Variants in LRRK2 observed in about 807,000 individuals in gnomAD.
LRRK2 encodes leucine rich repeat kinase 2.
In LRRK2, 203 loss-of-function variants were observed where a neutral mutation model predicts 302.6. That is an observed-to-expected ratio of 0.67 (90% CI 0.60 to 0.75). The LOEUF (loss-of-function observed/expected upper bound fraction) is 0.75. Ranked by LOEUF, LRRK2 falls within the 30% of genes least tolerant of loss-of-function variation. The pLI is 0.00. For missense variants in LRRK2, 2,830 were observed against 2,951.0 expected, an observed-to-expected ratio of 0.96 and a Z score of 0.95; for synonymous variants, 1,066 against 1,031.9, an observed-to-expected ratio of 1.03 and a Z score of -0.63.
At chr12:40,256,527 AAGTGCC>A (rs1942514950) in intron 11 of LRRK2, among the ~76,000 whole-genome samples, 1 of 152,242 alleles carries the variant, frequency 6.6e-6, no homozygotes, top group South Asian at 2.1e-4. Flanking sequence ...ACAAATAGTG[AAGTGCC>A]AGTTGTAAAG....
chr12:40,238,607 T>C (rs1941578900), intron 5 of LRRK2, among the ~76,000 whole-genome samples: 1 of 152,164 alleles, frequency 6.6e-6, no homozygotes, highest in African/African-American at 2.4e-5. Context: ...GTTTAGTCTT[T>C]CCATTGACCT....
rs1278652767 is a variant in LRRK2, at chr12:40,298,865, ATATATATACTATATATAATACTTAT to A, written c.3348-235_3348-211del. On this transcript the variant is annotated intron_variant, in intron 24 of 50. Transcript: ENST00000298910. ...TTATTATATATAATACCTATATATTATATATATACTATATATAATACTTATTATATATATACTATATATAATACTT... is the reference window on the plus strand; with the variant it reads ...TTATTATATATAATACCTATATATTATATATATATACTATATATAATACTT... Among the ~76,000 whole-genome samples, 3 of 11,958 alleles carry A rather than the reference ATATATATACTATATATAATACTTAT, an allele frequency of 2.5e-4. No individual in the cohort carries two copies. The East Asian group carries it at 3.9e-3, about 15-fold the overall frequency. The allele number at this position is 11,958 out of a possible 152,430, so 7.8% of individuals were successfully genotyped here.
intron 25 of LRRK2, among the ~76,000 whole-genome samples, chr12:40,301,323 C>A (rs7973488): frequency 6.6e-6 from 1 of 152,116 alleles, no homozygotes; most frequent in Non-Finnish European, 1.5e-5. Context: ...ACTCGGGAGG[C>A]TGAGGCAGAA....
chr12:40,226,753 C>G lies in LRRK2; in HGVS notation c.237+1113C>G, dbSNP rs1407505945. 2.6e-5 allele frequency among the ~76,000 whole-genome samples: 4 copies of G among 152,276 alleles called. No homozygotes were observed. In the East Asian group the frequency reaches 5.8e-4, roughly 22 times the overall value. On this transcript the variant is annotated intron_variant, in intron 2 of 50. Transcript: ENST00000298910. ...ATAAAGATGCTGTTCTTTTAAGACT[C>G]AAAGTCGGAATTTTGCCTGTGGAAT... is the stretch of plus-strand genomic sequence containing the variant.
chr12:40,324,816 A>G (rs1394238032), intron 38 of LRRK2, among the ~76,000 whole-genome samples: 5 of 152,220 alleles, frequency 3.3e-5, no homozygotes, highest in East Asian at 1.9e-4. Context: ...TGAATCCTAC[A>G]TCTTAACCCC....
At chr12:40,299,328 CT>C (rs1479075480) in intron 25 of LRRK2, 71 bp downstream of exon 25, 15 of 1,511,816 alleles carry the variant, frequency 9.9e-6, no homozygotes, top group Non-Finnish European at 1.2e-5. Flanking sequence ...TATATGGACC[CT>C]TTAGTTGTGG....
Position 40,259,535 on chromosome 12 carries a change from A to C in LRRK2, c.1474A>C (p.Lys492Gln). The C allele has an allele frequency of 1.2e-6, 2 of 1,613,426 alleles. No individual in the cohort carries two copies. Among genetic ancestry groups the C allele is most frequent in the Non-Finnish European group, 1.7e-6 (2 of 1,179,532 alleles). ...GGTCCCCAAAATACTAACAGTTATG[A>C]AACGTCATGAGACATCATTACCAGT... Reference protein sequence around the residue: ...AVVPKILTVMKRHETSLPVQL... With the variant: ...AVVPKILTVMQRHETSLPVQL... Residue 492 changes from lysine (K) to glutamine (Q), a missense_variant, in exon 13 of 51, where the codon AAA (lysine) becomes CAA (glutamine). Transcript: ENST00000298910.
At chr12:40,272,574 T>C (rs2136592569) in intron 14 of LRRK2, among the ~76,000 whole-genome samples, 1 of 152,304 alleles carries the variant, frequency 6.6e-6, no homozygotes, top group South Asian at 2.1e-4. Flanking sequence ...ATTGCTATTG[T>C]TATTATGACT....
intron 32 of LRRK2, among the ~76,000 whole-genome samples, chr12:40,314,907 AGT>A (rs977350619): frequency 1.3e-5 from 2 of 152,078 alleles, no homozygotes; most frequent in Non-Finnish European, 2.9e-5. Flanking sequence ...ATGTCTTTGT[AGT>A]GTGTATTCAG....
intron 14 of LRRK2, among the ~76,000 whole-genome samples, chr12:40,272,024 T>C (rs1181609689): frequency 1.3e-5 from 2 of 152,178 alleles, no homozygotes; most frequent in African/African-American, 4.8e-5. Flanking sequence ...AATAAGCCTA[T>C]GATGCTCTTT....
chr12:40,303,871 G>A, intron 26 of LRRK2, 77 bp from the exon 27 acceptor site: 4 of 1,408,524 alleles, frequency 2.8e-6, no homozygotes, highest in Admixed American at 1.7e-5. Flanking sequence ...TCACCCTGGG[G>A]AAAATTATTT....
chr12:40,316,767 G>T (rs147939650), intron 33 of LRRK2, among the ~76,000 whole-genome samples: 40 of 152,164 alleles, frequency 2.6e-4, no homozygotes, highest in African/African-American at 9.4e-4. Flanking sequence ...AGGTACTTAC[G>T]TAGTTTTGGA....
At chr12:40,319,067 T>A (rs1475471953) in intron 33 of LRRK2, among the ~76,000 whole-genome samples, 3 of 152,140 alleles carry the variant, frequency 2.0e-5, no homozygotes, top group Non-Finnish European at 4.4e-5. Flanking sequence ...TTTGCTTCTG[T>A]TTAAGTATTC....
At chr12:40,272,570 A>G (rs1458085153) in intron 14 of LRRK2, among the ~76,000 whole-genome samples, 2 of 152,102 alleles carry the variant, frequency 1.3e-5, no homozygotes, top group African/African-American at 4.8e-5. Context: ...GGTCATTGCT[A>G]TTGTTATTAT....
intron 2 of LRRK2, among the ~76,000 whole-genome samples, chr12:40,229,053 C>T (rs1941046810): frequency 6.6e-6 from 1 of 152,156 alleles, no homozygotes; most frequent in African/African-American, 2.4e-5. Context: ...GATACAAATA[C>T]TGTGGCCATG....
intron 16 of LRRK2, 61 bp downstream of exon 16, chr12:40,275,054 T>C (rs781575980): frequency 2.5e-6 from 4 of 1,588,098 alleles, no homozygotes; most frequent in Non-Finnish European, 3.5e-6. Context: ...TTGGAGCAGT[T>C]TGTGTAATTC....
intron 38 of LRRK2, 151 bp downstream of exon 38, chr12:40,323,457 G>A: frequency 1.4e-6 from 1 of 737,532 alleles, no homozygotes; most frequent in South Asian, 2.1e-5. Flanking sequence ...TATTTTAAAG[G>A]AATATAATAT....
At chr12:40,316,243 C>T (rs1945214865) in intron 33 of LRRK2, 1 of 703,166 alleles carries the variant, frequency 1.4e-6, no homozygotes, top group Non-Finnish European at 1.7e-6. Context: ...TTCACTCAGG[C>T]AGCCTTGAAT....
chr12:40,323,342 G>A (rs1945455197), intron 38 of LRRK2, 36 bp downstream of exon 38: 1 of 1,550,950 alleles, frequency 6.4e-7, no homozygotes, highest in Non-Finnish European at 8.9e-7. Flanking sequence ...TAAAAATTAG[G>A]ATGTAATTTT....
Sources: gnomAD v4.1 joint callset for allele counts (sites outside exome capture counted in the v4.1 genomes callset) on GRCh38, gnomAD v4.1.1 for gene constraint, MANE v1.5 for transcripts, NCBI Gene and HGNC (gene_info 2026-07-23, HGNC 2026-07-21) for gene names.